Variants in ATP8B3 observed in about 807,000 individuals in gnomAD.
ATP8B3 encodes the protein phospholipid-transporting ATPase IK.
A neutral mutation model predicts 140.9 loss-of-function variants in ATP8B3; 141 were observed. That is an observed-to-expected ratio of 1.00 (90% CI 0.87 to 1.15). The LOEUF is 1.15. Among genes scored for constraint, ATP8B3 ranks in the 50% most tolerant of loss-of-function variants. ATP8B3 has a pLI of 0.00. For missense variants in ATP8B3, 1,874 were observed against 1,740.6 expected (o/e 1.08, Z -1.36); for synonymous variants, 765 against 714.6 (o/e 1.07, Z -1.13).
chr19:1,786,755 A>C (rs2068318501), intron 25 of ATP8B3, among the ~76,000 whole-genome samples: 1 of 150,372 alleles, frequency 6.7e-6, no homozygotes, highest in East Asian at 2.0e-4. Context: ...CCAACCCCAG[A>C]TCACGTAGCC....
At chr19:1,801,731 A>T (rs1005684621) in intron 12 of ATP8B3, among the ~76,000 whole-genome samples, 4 of 152,148 alleles carry the variant, frequency 2.6e-5, no homozygotes, top group Non-Finnish European at 5.9e-5. Context: ...CGGCCTGGTG[A>T]CAGAGTGAGA....
In ATP8B3 at chr19:1,783,289, A is replaced by G. The variant is rs1319944387; in HGVS notation, c.3661-19T>C. On this transcript the variant is annotated intron_variant, in intron 28 of 28. Transcript: ENST00000310127. ...TCTCCTCCTGAAGAGCAAAGGGGAG[A>G]GCAGGGGAAGCAGACTCCTATGCTT... 1 of 1,599,256 alleles carries G rather than the reference A, an allele frequency of 6.3e-7. No individual in the cohort carries two copies. The highest frequency in any genetic ancestry group is 2.3e-5 in the East Asian group (1 of 44,440).
chr19:1,791,538 C>A (rs544670240), intron 20 of ATP8B3, among the ~76,000 whole-genome samples: 93 of 152,196 alleles, frequency 6.1e-4, no homozygotes, highest in African/African-American at 2.0e-3. Flanking sequence ...CAGATGCGCA[C>A]CACCACACCT....
In ATP8B3 at chr19:1,790,831, T is replaced by C. The variant is rs760435272; in HGVS notation, c.2304A>G (p.Glu768=). Residue 768 remains glutamate (E), a splice_region_variant and synonymous_variant, in exon 21 of 29, where the codon GAA becomes GAG. Transcript: ENST00000310127. ...KIWVLTGDKQ[E]TAVNIGFACE... Reference sequence around the variant, plus strand: ...AGGCGAAGCCGATGTTCACAGCCGTTTCTGCGAAGCAGACCAGCTCAGCGC... The same window carrying C: ...AGGCGAAGCCGATGTTCACAGCCGTCTCTGCGAAGCAGACCAGCTCAGCGC... The C allele has an allele frequency of 6.3e-7, 1 of 1,597,622 alleles. No individual in the cohort carries two copies.
chr19:1,795,863 G>C lies in ATP8B3; in HGVS notation c.2055+12C>G. The C allele has an allele frequency of 6.3e-7, 1 of 1,577,124 alleles. No individual in the cohort carries two copies. On this transcript the variant is annotated intron_variant, in intron 18 of 28. Coordinates refer to ENST00000310127, the MANE Select transcript of ATP8B3 (RefSeq NM_138813.4). ...CACACACACATAAGCCAGCCTTCCT[G>C]AAGGGACTCACAGCCAAGGCCTCCT...
chr19:1,803,390 C>G (rs543355346), intron 10 of ATP8B3, among the ~76,000 whole-genome samples: 3 of 152,178 alleles, frequency 2.0e-5, no homozygotes, highest in Non-Finnish European at 4.4e-5. Flanking sequence ...CATGGTGGGA[C>G]GGCCAGAGGG....
chr19:1,784,117 C>A (rs1239064024), intron 28 of ATP8B3, among the ~76,000 whole-genome samples: 1 of 152,192 alleles, frequency 6.6e-6, no homozygotes, highest in African/African-American at 2.4e-5. Context: ...ACCCACTCAT[C>A]TGTCAACAGA....
chr19:1,785,401 G>C, intron 26 of ATP8B3, 68 bp downstream of exon 26: 1 of 1,571,814 alleles, frequency 6.4e-7, no homozygotes, highest in Non-Finnish European at 8.6e-7. Context: ...CCCAAAGCAG[G>C]GGTCCCCAGG....
At chr19:1,802,141 C>T in intron 11 of ATP8B3, 97 bp from the exon 12 acceptor site, 2 of 808,388 alleles carry the variant, frequency 2.5e-6, no homozygotes, top group Middle Eastern at 3.7e-4. Flanking sequence ...ACTCATCCAC[C>T]CACCTACCCA....
In ATP8B3 at chr19:1,796,849, C is replaced by A. The variant is rs778157707; in HGVS notation, c.1615G>T (p.Asp539Tyr). Reference protein sequence around the residue: ...ENPYLWNKFADGKLLFHNAAL... With the variant: ...ENPYLWNKFAYGKLLFHNAAL... ...GCATTGTGGAAGAGCAGCTTCCCGT[C>A]GGCGAACTTGTTCCAGAGGTAGGGG... Residue 539 changes from aspartate to tyrosine, a missense_variant, in exon 16 of 29, where the codon GAC becomes TAC. Asp to Tyr is a radical substitution (Grantham distance 160, BLOSUM62 -3). Around this residue, in one of 3 missense-constraint regions of ATP8B3, gnomAD observed 1,032 missense variants for 963.6 expected, o/e 1.07. Transcript: ENST00000310127. The A allele has an allele frequency of 5.0e-6, 8 of 1,612,338 alleles. No individual in the cohort carries two copies. The East Asian group carries it at 1.1e-4, about 22-fold the overall frequency.
intron 14 of ATP8B3, 104 bp downstream of exon 14, chr19:1,799,843 G>GC: frequency 1.7e-6 from 2 of 1,175,360 alleles, no homozygotes; most frequent in Non-Finnish European, 2.4e-6. Context: ...TCAGATTCGG[G>GC]CGGAGGTGCT....
At position 1,800,831 on chromosome 19, in the gene ATP8B3, ATT is replaced by A. The variant is rs1274237034; in HGVS notation, c.1153-384_1153-383del. On this transcript the variant is annotated intron_variant, in intron 12 of 28. Transcript: ENST00000310127. The surrounding 1 kb of genome is among the most constrained non-coding windows in gnomAD (Gnocchi z 4.4). ...AGATAGAAAAACTTTTTTTTTTTTA[ATT>A]TTTTTTTTTTTTTGAGACAGAGTCT... Among the ~76,000 whole-genome samples, 4 of 136,164 alleles carry A rather than the reference ATT, an allele frequency of 2.9e-5. No homozygotes were observed. The highest frequency in any genetic ancestry group is 7.4e-5 in the Admixed American group (1 of 13,426). 89.3% of individuals were successfully genotyped at this position (136,164 alleles called of 152,430 possible).
intron 10 of ATP8B3, among the ~76,000 whole-genome samples, chr19:1,803,865 CAGCCTGGGCAACA>C (rs763237113): frequency 6.2e-5 from 9 of 145,346 alleles, no homozygotes; most frequent in Non-Finnish European, 1.3e-4. Context: ...CACTGCACTC[CAGCCTGGGCAACA>C]AGAGCGAGAC....
In ATP8B3 at chr19:1,784,979, C is replaced by A. The variant is rs769527335; in HGVS notation, c.3533-33G>T. ...CAGGGCGGGGTCACAGCAGAGCCTA[C>A]CCCCAGCTCCAAGGATGCCCCCAGG... On this transcript the variant is annotated intron_variant, in intron 27 of 28. Transcript: ENST00000310127. 3.2e-6 allele frequency: 5 copies of A among 1,582,500 alleles called. No individual in the cohort carries two copies. In the East Asian group the frequency reaches 9.0e-5, roughly 28 times the overall value.
Position 1,789,537 on chromosome 19 carries a change from C to T in ATP8B3, c.2669G>A (p.Ser890Asn). Residue 890 changes from serine (S) to asparagine (N), a missense_variant, in exon 23 of 29, where the codon AGC (serine) becomes AAC (asparagine). Physicochemically the swap from Ser to Asn is conservative, Grantham distance 46. This residue lies in a region of ATP8B3 where 840 missense variants were observed against 760.9 expected (regional missense o/e 1.10). Transcript: ENST00000310127. The stretch of plus-strand genomic sequence containing the variant: ...GGCGCGCTCCTGCAGCACCTCGGAG[C>T]TACGGCGGGCTCTGGAGTCCTGGGC... Reference protein sequence around the residue: ...PPAQDSRARRSSEVLQERAFV... With the variant: ...PPAQDSRARRNSEVLQERAFV... 6.3e-7 allele frequency: 1 copy of T among 1,597,224 alleles called. No homozygotes were observed. The highest frequency in any genetic ancestry group is 8.5e-7 in the Non-Finnish European group (1 of 1,178,318).
chr19:1,801,655 G>A (rs1336575191), intron 12 of ATP8B3, among the ~76,000 whole-genome samples: 1 of 152,140 alleles, frequency 6.6e-6, no homozygotes, highest in African/African-American at 2.4e-5. Context: ...GAGGGGCTGA[G>A]GCAGGAGACT....
At chr19:1,788,808 G>A in intron 24 of ATP8B3, 89 bp downstream of exon 24, 2 of 1,271,298 alleles carry the variant, frequency 1.6e-6, no homozygotes, top group Non-Finnish European at 2.2e-6. Context: ...AGGGTTCTCA[G>A]TGCGTCCAGG....
At position 1,806,754 on chromosome 19, in the gene ATP8B3, C is replaced by A; in HGVS notation, c.616-65G>T. ...TCTCCTGCCCCCGCCCAGGCCGCTG[C>A]CGCACTGCAGCCCAGCAGTGCCCGC... On this transcript the variant is annotated intron_variant, in intron 6 of 28. Transcript: ENST00000310127. This position sits in a 1 kb window ranked among gnomAD's most constrained non-coding sequence, Gnocchi z 5.6. 1 of 1,517,894 alleles carries A rather than the reference C, an allele frequency of 6.6e-7. No individual in the cohort carries two copies. The highest frequency in any genetic ancestry group is 1.2e-5 in the South Asian group (1 of 83,318). 94.0% of individuals were successfully genotyped at this position (1,517,894 alleles called of 1,614,324 possible). A position where few individuals can be genotyped will look rare whatever the true frequency, so the allele number is the denominator to read the frequency against.
At position 1,807,339 on chromosome 19, in the gene ATP8B3, C is replaced by A; in HGVS notation, c.517-73G>T. 1.6e-6 allele frequency: 2 copies of A among 1,281,986 alleles called. No individual in the cohort carries two copies. Among genetic ancestry groups the A allele is most frequent in the Admixed American group, 3.5e-5 (2 of 57,706 alleles). The allele number at this position is 1,281,986 out of a possible 1,614,324, so 79.4% of individuals were successfully genotyped here. On this transcript the variant is annotated intron_variant, in intron 5 of 28. Transcript: ENST00000310127. The surrounding 1 kb of genome is among the most constrained non-coding windows in gnomAD (Gnocchi z 5.9). The stretch of plus-strand genomic sequence containing the variant: ...TCCCCTGCCCTTCCACCAAGCCGAC[C>A]TAGCCCCGCACTCGACACCACGTGA...
Sources: allele counts gnomAD v4.1 joint callset (sites outside exome capture counted in the v4.1 genomes callset), GRCh38; gene constraint gnomAD v4.1.1; regional missense constraint gnomAD v4.1.1; non-coding constraint Gnocchi (gnomAD v3.1); transcripts MANE v1.5; gene names NCBI Gene and HGNC (gene_info 2026-07-23, HGNC 2026-07-21).